Variants in OPCML observed in about 807,000 individuals in gnomAD.
The protein encoded by OPCML is opioid-binding protein/cell adhesion molecule.
In OPCML, 13 loss-of-function variants were observed where a neutral mutation model predicts 37.8. The ratio of observed to expected loss-of-function variants is 0.34; its 90% CI spans 0.22 to 0.55. OPCML has a LOEUF of 0.55. Ranked by LOEUF, OPCML falls within the 20% of genes least tolerant of loss-of-function variation. The probability of loss-of-function intolerance (pLI) is 0.91; values close to 1 mark genes in which losing one functional copy is unlikely to be tolerated. For missense variants in OPCML, 341 were observed against 435.6 expected, an observed-to-expected ratio of 0.78 and a Z score of 1.93; for synonymous variants, 176 against 168.8, an observed-to-expected ratio of 1.04 and a Z score of -0.33.
chr11:132,779,921 T>C (rs1946942482), intron 2 of OPCML, among the ~76,000 whole-genome samples: 1 of 152,256 alleles, frequency 6.6e-6, no homozygotes, highest in South Asian at 2.1e-4. Flanking sequence ...TTTTCATGGA[T>C]GCTCTTTCCT....
intron 4 of OPCML, among the ~76,000 whole-genome samples, chr11:132,463,811 T>C (rs993507115): frequency 6.6e-6 from 1 of 152,192 alleles, no homozygotes; most frequent in African/African-American, 2.4e-5. Context: ...TATGGCTCCA[T>C]AGTGTCTGAA....
chr11:133,267,985 C>A (rs1015325803), intron 1 of OPCML, among the ~76,000 whole-genome samples: 2 of 152,174 alleles, frequency 1.3e-5, no homozygotes, highest in African/African-American at 4.8e-5. Flanking sequence ...AGCATGAGAA[C>A]AGACTAATAT....
intron 4 of OPCML, among the ~76,000 whole-genome samples, chr11:132,513,490 G>A (rs1471272658): frequency 1.3e-5 from 2 of 152,064 alleles, no homozygotes; most frequent in Non-Finnish European, 2.9e-5. Flanking sequence ...GTCATAATGG[G>A]ACCATCAACA....
intron 2 of OPCML, among the ~76,000 whole-genome samples, chr11:132,675,039 T>C (rs1942637623): frequency 6.6e-6 from 1 of 152,032 alleles, no homozygotes. Context: ...AAATAGAATA[T>C]CCTACAGAAA....
At chr11:133,485,903 T>C (rs1366719140) in intron 1 of OPCML, among the ~76,000 whole-genome samples, 1 of 152,168 alleles carries the variant, frequency 6.6e-6, no homozygotes, top group Non-Finnish European at 1.5e-5. Context: ...TTCTGTTTTT[T>C]TTTCTTTTAC....
chr11:132,552,177 A>G (rs1410054567), intron 3 of OPCML, among the ~76,000 whole-genome samples: 1 of 152,234 alleles, frequency 6.6e-6, no homozygotes, highest in East Asian at 1.9e-4. Flanking sequence ...CTATGTTCCC[A>G]AGTAATGCTG....
At chr11:133,130,823 G>T (rs1418689857) in intron 1 of OPCML, among the ~76,000 whole-genome samples, 2 of 151,816 alleles carry the variant, frequency 1.3e-5, no homozygotes, top group Non-Finnish European at 2.9e-5. Context: ...AGGAGCTAAA[G>T]AAATTTAATT....
intron 4 of OPCML, among the ~76,000 whole-genome samples, chr11:132,478,193 C>A (rs2096164134): frequency 6.6e-6 from 1 of 152,144 alleles, no homozygotes; most frequent in African/African-American, 2.4e-5. Context: ...GACTTAGAAT[C>A]AAATACCAAT....
chr11:133,038,589 TTAAC>T (rs1947827721), intron 1 of OPCML, among the ~76,000 whole-genome samples: 1 of 152,184 alleles, frequency 6.6e-6, no homozygotes, highest in African/African-American at 2.4e-5. Flanking sequence ...AATGCATAAC[TTAAC>T]TCTTTTATAG....
chr11:132,585,693 C>G (rs2096471137), intron 3 of OPCML, among the ~76,000 whole-genome samples: 1 of 152,084 alleles, frequency 6.6e-6, no homozygotes, highest in Non-Finnish European at 1.5e-5. Context: ...GTACTTAGAG[C>G]CAAGAGAGAT....
intron 1 of OPCML, among the ~76,000 whole-genome samples, chr11:133,424,441 A>G (rs1409062650): frequency 2.0e-5 from 3 of 152,194 alleles, no homozygotes; most frequent in Non-Finnish European, 4.4e-5. Context: ...AAAATTTTGC[A>G]ATATTTTCAT....
At chr11:132,928,439 A>G (rs967843791) in intron 2 of OPCML, among the ~76,000 whole-genome samples, 1 of 152,076 alleles carries the variant, frequency 6.6e-6, no homozygotes. Flanking sequence ...AAAAATAAAC[A>G]TATATACTAA....
At chr11:133,038,260 C>T (rs1947819083) in intron 1 of OPCML, among the ~76,000 whole-genome samples, 1 of 152,232 alleles carries the variant, frequency 6.6e-6, no homozygotes, top group East Asian at 1.9e-4. Flanking sequence ...CAATCAGCTC[C>T]TGTCTTAGTG....
At chr11:133,450,037 C>T (rs895680559) in intron 1 of OPCML, among the ~76,000 whole-genome samples, 1 of 151,702 alleles carries the variant, frequency 6.6e-6, no homozygotes, top group Non-Finnish European at 1.5e-5. Flanking sequence ...ACATATCTTA[C>T]ACTTTCCTGC....
chr11:132,420,100 A>T lies in OPCML; in HGVS notation c.*93T>A, dbSNP rs1286826253. 9.8e-7 allele frequency: 1 copy of T among 1,018,012 alleles called. No homozygotes were observed. Among genetic ancestry groups the T allele is most frequent in the South Asian group, 1.7e-5 (1 of 59,788 alleles). The allele number at this position is 1,018,012 out of a possible 1,614,324, so 63.1% of individuals were successfully genotyped here. On this transcript the variant is annotated 3_prime_UTR_variant, in exon 8 of 8. Coordinates refer to ENST00000524381, the MANE Select transcript of OPCML (RefSeq NM_001012393.5). ...AAATCTAGAATAACAGAAAAAAACA[A>T]AAAGAAGCCCAAGCTGGTTTGCTCT...
intron 3 of OPCML, among the ~76,000 whole-genome samples, chr11:132,650,377 T>C (rs1274663417): frequency 6.6e-6 from 1 of 152,096 alleles, no homozygotes; most frequent in Non-Finnish European, 1.5e-5. Context: ...AATTCCCAGA[T>C]GAATTACACT....
chr11:133,487,318 T>A lies in OPCML; in HGVS notation c.61+44946A>T, dbSNP rs1278663134. ...TGCAGCGTGCTCCCCACTGGTCTTT[T>A]GTGATCTTTTGAAATAGACAGTGTA... On this transcript the variant is annotated intron_variant, in intron 1 of 7. Coordinates refer to ENST00000524381, the MANE Select transcript of OPCML (RefSeq NM_001012393.5). 2.0e-5 allele frequency among the ~76,000 whole-genome samples: 3 copies of A among 152,280 alleles called. No individual in the cohort carries two copies. In the East Asian group the frequency reaches 5.8e-4, roughly 29 times the overall value.
chr11:132,757,830 T>TG (rs1385489982), intron 2 of OPCML, among the ~76,000 whole-genome samples: 3 of 152,260 alleles, frequency 2.0e-5, no homozygotes, highest in Admixed American at 6.5e-5. Flanking sequence ...TTTTGACTTT[T>TG]GTTGCCACTG....
chr11:133,309,678 A>G (rs1943021111), intron 1 of OPCML, among the ~76,000 whole-genome samples: 1 of 152,230 alleles, frequency 6.6e-6, no homozygotes, highest in Non-Finnish European at 1.5e-5. Flanking sequence ...GGTTATATAG[A>G]ATGTTGACAT....
Sources: allele counts gnomAD v4.1 joint callset (sites outside exome capture counted in the v4.1 genomes callset), GRCh38; gene constraint gnomAD v4.1.1; transcripts MANE v1.5; gene names NCBI Gene and HGNC (gene_info 2026-07-23, HGNC 2026-07-21).